The following AOAH variants were observed in gnomAD, a reference collection of about 807,000 sequenced individuals.
AOAH encodes the protein acyloxyacyl hydrolase (neutrophil).
In AOAH, 64 loss-of-function variants were observed where a neutral mutation model predicts 92.2. The observed-to-expected ratio is 0.69, with a 90% CI of 0.57 to 0.86. The LOEUF is 0.86. Among genes scored for constraint, AOAH ranks in the 40% least tolerant of loss-of-function variants. The pLI, the probability that AOAH is intolerant of heterozygous loss-of-function variation, is 0.00. For missense variants in AOAH, 656 were observed against 694.6 expected (o/e 0.94, Z 0.62); for synonymous variants, 263 against 254.5 (o/e 1.03, Z -0.32).
intron 4 of AOAH, among the ~76,000 whole-genome samples, chr7:36,641,464 T>C (rs74498214): frequency 6.6e-6 from 1 of 152,214 alleles, no homozygotes; most frequent in African/African-American, 2.4e-5. Flanking sequence ...TTCAATAACA[T>C]TGAGCCCAGG....
intron 1 of AOAH, among the ~76,000 whole-genome samples, chr7:36,714,572 T>C (rs183261235): frequency 6.6e-6 from 1 of 152,120 alleles, no homozygotes; most frequent in African/African-American, 2.4e-5. Context: ...GATGCAAAAA[T>C]CCTCAATAAA....
Position 36,532,274 on chromosome 7 carries a change from G to T in AOAH, c.1365+12C>A, listed in dbSNP as rs1464308808. ...GGTAAGCGGGCCTTGAAGCAAGCCA[G>T]TGAGTGCTCACCTGGAGGCAGTTCA... On this transcript the variant is annotated intron_variant, in intron 17 of 20. Transcript: ENST00000617537. 3.1e-6 allele frequency: 5 copies of T among 1,614,194 alleles called. No individual in the cohort carries two copies. Among genetic ancestry groups the T allele is most frequent in the Non-Finnish European group, 4.2e-6 (5 of 1,180,006 alleles).
At chr7:36,557,240 A>T (rs1786809226) in intron 13 of AOAH, among the ~76,000 whole-genome samples, 1 of 152,126 alleles carries the variant, frequency 6.6e-6, no homozygotes, top group Non-Finnish European at 1.5e-5. Flanking sequence ...TCCTTCACTT[A>T]TGAAGCTTAG....
chr7:36,571,086 G>C (rs546934374), intron 13 of AOAH, among the ~76,000 whole-genome samples: 2 of 152,276 alleles, frequency 1.3e-5, no homozygotes, highest in Admixed American at 6.5e-5. Flanking sequence ...GCTGGGCATA[G>C]GGGCATGAGA....
intron 2 of AOAH, among the ~76,000 whole-genome samples, chr7:36,686,185 A>G (rs1298953086): frequency 6.6e-6 from 1 of 152,224 alleles, no homozygotes; most frequent in Non-Finnish European, 1.5e-5. Context: ...TGGTGGATGT[A>G]TAAGGTATTT....
intron 6 of AOAH, among the ~76,000 whole-genome samples, chr7:36,627,932 G>C (rs1183214474): frequency 3.9e-5 from 6 of 152,300 alleles, no homozygotes; most frequent in African/African-American, 1.2e-4. Context: ...TATGACAAAA[G>C]AAAAATGGTG....
intron 11 of AOAH, among the ~76,000 whole-genome samples, chr7:36,613,566 A>G (rs967435831): frequency 6.6e-6 from 1 of 152,076 alleles, no homozygotes; most frequent in African/African-American, 2.4e-5. Context: ...CCTTTCCTGC[A>G]TGCCTCTCTC....
At chr7:36,680,726 G>T (rs1382694516) in intron 2 of AOAH, among the ~76,000 whole-genome samples, 1 of 152,170 alleles carries the variant, frequency 6.6e-6, no homozygotes, top group Non-Finnish European at 1.5e-5. Context: ...TCTATTTTCA[G>T]CTGGAGGTAA....
chr7:36,688,851 A>G (rs946197147), intron 1 of AOAH, among the ~76,000 whole-genome samples: 1 of 152,034 alleles, frequency 6.6e-6, no homozygotes. Context: ...ATATGTGTAT[A>G]TGTATATGTG....
intron 3 of AOAH, among the ~76,000 whole-genome samples, chr7:36,659,668 T>C (rs1274290459): frequency 1.3e-5 from 2 of 152,174 alleles, no homozygotes; most frequent in East Asian, 1.9e-4. Flanking sequence ...TCATTTACGA[T>C]ATAGCCTTAA....
intron 19 of AOAH, among the ~76,000 whole-genome samples, chr7:36,529,357 T>G (rs980967356): frequency 3.9e-5 from 6 of 152,198 alleles, no homozygotes; most frequent in African/African-American, 1.4e-4. Flanking sequence ...AATTCATTAA[T>G]GGGTCTTTAA....
chr7:36,721,016 G>A (rs367607094), intron 1 of AOAH, among the ~76,000 whole-genome samples: 1 of 152,166 alleles, frequency 6.6e-6, no homozygotes, highest in African/African-American at 2.4e-5. Flanking sequence ...AGCTGCGAGA[G>A]AGCGGACCTC....
chr7:36,632,142 T>C (rs747146924), intron 5 of AOAH, 36 bp from the exon 6 acceptor site: 1 of 1,562,288 alleles, frequency 6.4e-7, no homozygotes. Context: ...GAGAGTTGTT[T>C]AGTTTAAGGA....
chr7:36,716,571 C>T lies in AOAH; in HGVS notation c.127+7451G>A, dbSNP rs530501395. On this transcript the variant is annotated intron_variant, in intron 1 of 20. Transcript: ENST00000617537. ...CACAATAGCAAAGACTTGGAACCAACCCAAATGTCCAACAATGATAGACTG... is the reference window on the plus strand; with the variant it reads ...CACAATAGCAAAGACTTGGAACCAATCCAAATGTCCAACAATGATAGACTG... 1.7e-4 allele frequency among the ~76,000 whole-genome samples: 25 copies of T among 149,042 alleles called. 3 individuals carry two copies. In the East Asian group the frequency reaches 5.0e-3, roughly 30 times the overall value.
chr7:36,709,633 G>A (rs1798637272), intron 1 of AOAH, among the ~76,000 whole-genome samples: 1 of 151,966 alleles, frequency 6.6e-6, no homozygotes, highest in Non-Finnish European at 1.5e-5. Flanking sequence ...GGGCAAGTTA[G>A]CCTTCTCTAA....
intron 1 of AOAH, among the ~76,000 whole-genome samples, chr7:36,687,918 C>T (rs1797138272): frequency 6.6e-6 from 1 of 152,142 alleles, no homozygotes; most frequent in Non-Finnish European, 1.5e-5. Context: ...TGAGAGATTG[C>T]CAGTGAAGAA....
chr7:36,699,637 G>GTT (rs377319409), intron 1 of AOAH, among the ~76,000 whole-genome samples: 1 of 134,514 alleles, frequency 7.4e-6, no homozygotes, highest in East Asian at 2.1e-4. Context: ...TGGATTATTT[G>GTT]TTTTTTTTTT....
At chr7:36,518,643 T>C (rs1418890808) in intron 20 of AOAH, among the ~76,000 whole-genome samples, 1 of 152,250 alleles carries the variant, frequency 6.6e-6, no homozygotes, top group Non-Finnish European at 1.5e-5. Context: ...TTAAGTGGGA[T>C]CTTCTGGTTA....
At chr7:36,529,760 C>A (rs889212073) in intron 19 of AOAH, among the ~76,000 whole-genome samples, 1 of 152,158 alleles carries the variant, frequency 6.6e-6, no homozygotes, top group Non-Finnish European at 1.5e-5. Context: ...AGTCAATAAG[C>A]AATAATTTTT....
Sources: gnomAD v4.1 joint callset for allele counts (sites outside exome capture counted in the v4.1 genomes callset) on GRCh38, gnomAD v4.1.1 for gene constraint, MANE v1.5 for transcripts, NCBI Gene and HGNC (gene_info 2026-07-23, HGNC 2026-07-21) for gene names.